FBXO9: variants seen among roughly 807,000 people sequenced by gnomAD.
The protein encoded by FBXO9 is F-box protein 9.
In FBXO9, 43 loss-of-function variants were observed where a neutral mutation model predicts 63.7. The ratio of observed to expected loss-of-function variants is 0.67; its 90% CI spans 0.53 to 0.87. FBXO9 has a LOEUF of 0.87. Among genes scored for constraint, FBXO9 ranks in the 40% least tolerant of loss-of-function variants. The pLI is 0.00. For missense variants in FBXO9, 442 were observed against 533.2 expected, an observed-to-expected ratio of 0.83 and a Z score of 1.68; for synonymous variants, 156 against 171.7, an observed-to-expected ratio of 0.91 and a Z score of 0.72.
intron 12 of FBXO9, 28 bp downstream of exon 12, chr6:53,095,692 G>T (rs1276830409): frequency 6.3e-7 from 1 of 1,575,642 alleles, no homozygotes. Flanking sequence ...AAATAACAAG[G>T]TTACACTATA....
At chr6:53,086,510 G>C (rs367736177) in intron 7 of FBXO9, among the ~76,000 whole-genome samples, 3 of 152,250 alleles carry the variant, frequency 2.0e-5, no homozygotes, top group South Asian at 2.1e-4. Context: ...TCTCCATGTG[G>C]GAAACCTGTT....
chr6:53,071,024 A>G, intron 1 of FBXO9, 33 bp from the exon 2 acceptor site: 1 of 1,556,486 alleles, frequency 6.4e-7, no homozygotes, highest in Non-Finnish European at 8.7e-7. Flanking sequence ...GTGTGTTTAT[A>G]TGCCTGACAT....
At chr6:53,077,035 TAATA>T (rs1421586463) in intron 4 of FBXO9, among the ~76,000 whole-genome samples, 1 of 152,190 alleles carries the variant, frequency 6.6e-6, no homozygotes, top group Non-Finnish European at 1.5e-5. Flanking sequence ...TATTCTTCAT[TAATA>T]AAGTATTTAA....
chr6:53,092,873 A>G, intron 9 of FBXO9, 49 bp downstream of exon 9: 3 of 1,268,818 alleles, frequency 2.4e-6, no homozygotes, highest in Non-Finnish European at 2.2e-6. Context: ...CTCTCCATGT[A>G]TTAGTTAAAT....
intron 12 of FBXO9, 143 bp downstream of exon 12, chr6:53,095,807 A>C: frequency 1.3e-6 from 1 of 756,954 alleles, no homozygotes; most frequent in East Asian, 3.0e-5. Context: ...AACTACTACA[A>C]ACCAAGAAAA....
At chr6:53,071,962 C>G (rs1322367995) in intron 2 of FBXO9, among the ~76,000 whole-genome samples, 2 of 152,130 alleles carry the variant, frequency 1.3e-5, no homozygotes, top group Admixed American at 6.5e-5. Context: ...AGTGAAAACA[C>G]TACAGCCATT....
In FBXO9 at chr6:53,092,414, G is replaced by A; in HGVS notation, c.654-15G>A. 3 of 1,580,488 alleles carry A rather than the reference G, an allele frequency of 1.9e-6. No homozygotes were observed. Reference sequence around the variant, plus strand: ...GGGACTTAGTTTTTATTGACATTGTGCTTTTATTCCCTAGAGACCCTGAAA... The same window carrying A: ...GGGACTTAGTTTTTATTGACATTGTACTTTTATTCCCTAGAGACCCTGAAA... On this transcript the variant is annotated splice_polypyrimidine_tract_variant and intron_variant, in intron 7 of 12. Coordinates refer to ENST00000323557, the MANE Select transcript of FBXO9 (RefSeq NM_033480.3).
chr6:53,093,706 C>T, intron 10 of FBXO9, 145 bp downstream of exon 10: 1 of 859,492 alleles, frequency 1.2e-6, no homozygotes, highest in Non-Finnish European at 1.8e-6. Context: ...ATACCAATTT[C>T]TGGGCTTTTC....
chr6:53,095,693 T>C, intron 12 of FBXO9, 29 bp downstream of exon 12: 4 of 1,576,860 alleles, frequency 2.5e-6, no homozygotes, highest in Non-Finnish European at 3.4e-6. Flanking sequence ...AATAACAAGG[T>C]TACACTATAA....
intron 7 of FBXO9, among the ~76,000 whole-genome samples, chr6:53,088,018 T>C (rs1562071696): frequency 6.6e-6 from 1 of 152,222 alleles, no homozygotes; most frequent in Non-Finnish European, 1.5e-5. Context: ...TAACCAGTCA[T>C]TTTACTTTAG....
At chr6:53,092,695 AATATT>A (rs1413487064) in intron 8 of FBXO9, 34 bp from the exon 9 acceptor site, 22 of 1,487,672 alleles carry the variant, frequency 1.5e-5, no homozygotes, top group Non-Finnish European at 1.9e-5. Flanking sequence ...GGAATATCTG[AATATT>A]ATAATTTTTA....
chr6:53,065,253 C>G (rs1050639234), upstream of FBXO9: 1 of 152,788 alleles, frequency 6.5e-6, no homozygotes, highest in Non-Finnish European at 1.5e-5. Flanking sequence ...CAGCCCAACA[C>G]GCGGGTTGGG....
At chr6:53,066,223 G>A in intron 1 of FBXO9, 1 of 883,400 alleles carries the variant, frequency 1.1e-6, no homozygotes, top group Non-Finnish European at 1.4e-6. Flanking sequence ...GCTCTTCTGC[G>A]GAAAAGCCAG....
chr6:53,081,405 G>C (rs1205432790), intron 6 of FBXO9, among the ~76,000 whole-genome samples: 1 of 152,128 alleles, frequency 6.6e-6, no homozygotes, highest in Non-Finnish European at 1.5e-5. Context: ...CCAAGTGGCT[G>C]GGATTACAGG....
chr6:53,092,333 C>A, intron 7 of FBXO9, 96 bp from the exon 8 acceptor site: 1 of 885,496 alleles, frequency 1.1e-6, no homozygotes, highest in Non-Finnish European at 1.8e-6. Flanking sequence ...AGGTGTTCAA[C>A]AAATACTTGC....
intron 8 of FBXO9, 21 bp from the exon 9 acceptor site, chr6:53,092,712 CT>C (rs1204059680): frequency 6.4e-7 from 1 of 1,553,494 alleles, no homozygotes; most frequent in African/African-American, 1.4e-5. Flanking sequence ...TAATTTTTAA[CT>C]TTTTAAAATT....
At chr6:53,085,648 A>G (rs1358473886) in intron 7 of FBXO9, among the ~76,000 whole-genome samples, 1 of 151,656 alleles carries the variant, frequency 6.6e-6, no homozygotes, top group Non-Finnish European at 1.5e-5. Context: ...ATAGAAATTT[A>G]TAACTAATAG....
At position 53,097,770 on chromosome 6, in the gene FBXO9, C is replaced by T. The variant is rs1471226444; in HGVS notation, c.1254C>T (p.Tyr418=). The stretch of plus-strand genomic sequence containing the variant: ...GTGCTTTTGAGATTGACAAGATGTA[C>T]ACCCCCTTGTTCTTCGCCAGAGTAA... ...AVSAFEIDKM[Y]TPLFFARVRS... is the part of the protein sequence containing the mutation. The change falls in exon 13 of 13, where the codon TAC becomes TAT. Residue 418 remains tyrosine (Y), a synonymous_variant. Coordinates refer to ENST00000323557, the MANE Select transcript of FBXO9 (RefSeq NM_033480.3). The T allele has an allele frequency of 1.9e-6, 3 of 1,608,464 alleles. No homozygotes were observed. Among genetic ancestry groups the T allele is most frequent in the Admixed American group, 1.7e-5 (1 of 59,630 alleles).
chr6:53,068,824 A>G (rs773707356), intron 1 of FBXO9, among the ~76,000 whole-genome samples: 42 of 151,798 alleles, frequency 2.8e-4, no homozygotes, highest in Non-Finnish European at 5.4e-4. Context: ...TAATTTTTGT[A>G]TTTTTTGTAG....
Sources: gnomAD v4.1 joint callset for allele counts (sites outside exome capture counted in the v4.1 genomes callset) on GRCh38, gnomAD v4.1.1 for gene constraint, MANE v1.5 for transcripts, NCBI Gene and HGNC (gene_info 2026-07-23, HGNC 2026-07-21) for gene names.